CUX1: variants seen among roughly 807,000 people sequenced by gnomAD.
CUX1 encodes protein CASP.
A neutral mutation model predicts 158.8 loss-of-function variants in CUX1; 31 were observed. The observed-to-expected ratio is 0.20, with a 90% CI of 0.15 to 0.26. The LOEUF (loss-of-function observed/expected upper bound fraction) is 0.26. Among genes scored for constraint, CUX1 ranks in the 10% least tolerant of loss-of-function variants. CUX1 has a pLI of 1.00. For synonymous variants in CUX1, 879 were observed against 862.1 expected, an observed-to-expected ratio of 1.02 and a Z score of -0.34; for missense variants, 1,589 against 2,014.6, an observed-to-expected ratio of 0.79 and a Z score of 4.04.
chr7:102,158,005 C>T (rs1403099600), intron 8 of CUX1, among the ~76,000 whole-genome samples: 4 of 152,188 alleles, frequency 2.6e-5, no homozygotes, highest in Non-Finnish European at 5.9e-5. Flanking sequence ...TCACCATCCT[C>T]ACCTGCCCTC....
chr7:102,174,979 G>A (rs1375374749), intron 10 of CUX1, among the ~76,000 whole-genome samples: 2 of 152,168 alleles, frequency 1.3e-5, no homozygotes, highest in Non-Finnish European at 2.9e-5. Flanking sequence ...AACAGATAGA[G>A]GGAGGATGGT....
chr7:101,897,705 C>G (rs1801670469), intron 1 of CUX1, among the ~76,000 whole-genome samples: 1 of 152,130 alleles, frequency 6.6e-6, no homozygotes, highest in Non-Finnish European at 1.5e-5. Flanking sequence ...TATAGCGTGA[C>G]CAGTCTGATA....
intron 4 of CUX1, among the ~76,000 whole-genome samples, chr7:102,073,623 A>G (rs932373433): frequency 3.9e-5 from 6 of 152,186 alleles, no homozygotes; most frequent in African/African-American, 1.4e-4. Flanking sequence ...TTAATTTCCC[A>G]TAGAAAAAAG....
intron 11 of CUX1, 137 bp downstream of exon 11, chr7:102,178,794 A>C: frequency 1.1e-6 from 1 of 905,994 alleles, no homozygotes; most frequent in Non-Finnish European, 1.7e-6. Flanking sequence ...AGTAGCACCA[A>C]GCAGAGTCCC....
chr7:102,216,619 C>CCACA lies in CUX1; in HGVS notation c.3131-10740_3131-10737dup, dbSNP rs138340390. Among the ~76,000 whole-genome samples, 211 of 73,978 alleles carry CCACA rather than the reference C, an allele frequency of 2.9e-3. 3 individuals are homozygous for CCACA. Among genetic ancestry groups the CCACA allele is most frequent in the African/African-American group, 9.3e-3 (174 of 18,672 alleles). 48.5% of individuals were successfully genotyped at this position (73,978 alleles called of 152,430 possible). On this transcript the variant is annotated intron_variant, in intron 20 of 23. Transcript: ENST00000292535. ...ACTCCCACACACACACACACACTCC[C>CCACA]CACACACACACCCCCACACACGCAC...
Position 102,248,507 on chromosome 7 carries a change from G to A in CUX1, c.3983G>A (p.Arg1328Gln), listed in dbSNP as rs1235657318. 7.1e-6 allele frequency: 11 copies of A among 1,556,462 alleles called. No individual in the cohort carries two copies. The highest frequency in any genetic ancestry group is 9.5e-6 in the Non-Finnish European group (11 of 1,154,958). The change falls in exon 24 of 24, where the codon CGG (arginine) becomes CAG (glutamine). Residue 1328 changes from arginine (R) to glutamine (Q), a missense_variant. This residue lies in a region of CUX1 where 344 missense variants were observed against 323.7 expected (regional missense o/e 1.06). Coordinates refer to ENST00000292535, the MANE Select transcript of CUX1 (RefSeq NM_181552.4). This position sits in a 1 kb window ranked among gnomAD's most constrained non-coding sequence, Gnocchi z 5.8. ...GACTCACCCTCGGCCCGCAGCGGCC[G>A]GGCGGCGCCCAGCTCGGAGGGCGAC... ...ASDSPSARSG[R>Q]AAPSSEGDSC...
At chr7:102,027,579 G>A (rs1585327265) in intron 2 of CUX1, among the ~76,000 whole-genome samples, 1 of 152,196 alleles carries the variant, frequency 6.6e-6, no homozygotes, top group East Asian at 1.9e-4. Context: ...CATCGTTGTA[G>A]GCCAGGTGCG....
chr7:101,816,118 C>T (rs781221160), upstream of CUX1: 1 of 1,315,280 alleles, frequency 7.6e-7, no homozygotes, highest in Admixed American at 2.2e-5. Flanking sequence ...CGCTCGGCCT[C>T]GCGCCCGGGG....
At chr7:102,243,198 T>C (rs1277221587) in intron 23 of CUX1, among the ~76,000 whole-genome samples, 2 of 152,044 alleles carry the variant, frequency 1.3e-5, no homozygotes, top group African/African-American at 4.8e-5. Context: ...CGCCTGAACC[T>C]GTGAGGTGGA....
chr7:101,975,860 G>T (rs550423998), intron 2 of CUX1, among the ~76,000 whole-genome samples: 2 of 152,210 alleles, frequency 1.3e-5, no homozygotes, highest in African/African-American at 2.4e-5. Flanking sequence ...ATGAATTAAG[G>T]CCGGGCACAG....
intron 2 of CUX1, among the ~76,000 whole-genome samples, chr7:101,918,497 A>G (rs984594504): frequency 1.3e-5 from 2 of 152,200 alleles, no homozygotes; most frequent in Non-Finnish European, 2.9e-5. Flanking sequence ...ATGGAAGGTC[A>G]CCACCTGCTT....
rs111554491 is a variant in CUX1, at chr7:101,867,174, G to T, written c.31-48941G>T. Among the ~76,000 whole-genome samples the T allele has an allele frequency of 3.9e-5, 6 of 152,002 alleles. 1 individual carries two copies. The highest frequency in any genetic ancestry group is 1.4e-4 in the African/African-American group (6 of 41,410). Reference sequence around the variant, plus strand: ...GGAGGCTGCAGTGAGCTGAGATTGTGCCACTGCACTCCAGCCTGGGAGACA... The same window carrying T: ...GGAGGCTGCAGTGAGCTGAGATTGTTCCACTGCACTCCAGCCTGGGAGACA... On this transcript the variant is annotated intron_variant, in intron 1 of 23. Transcript: ENST00000292535.
intron 2 of CUX1, among the ~76,000 whole-genome samples, chr7:101,975,569 A>C (rs1399082363): frequency 6.6e-6 from 1 of 152,124 alleles, no homozygotes. Context: ...AAGAAAAAAG[A>C]AAATGCCTGT....
chr7:102,003,921 G>C (rs1046884975), intron 2 of CUX1, among the ~76,000 whole-genome samples: 4 of 152,204 alleles, frequency 2.6e-5, no homozygotes, highest in African/African-American at 4.8e-5. Flanking sequence ...TGGGAGGATT[G>C]CTTGAGGCCA....
At chr7:102,170,902 A>C (rs1410799546) in intron 10 of CUX1, among the ~76,000 whole-genome samples, 2 of 144,712 alleles carry the variant, frequency 1.4e-5, no homozygotes, top group Non-Finnish European at 3.0e-5. Flanking sequence ...CCTCTCCAGA[A>C]TGACACGGAG....
chr7:102,266,571 G>C (rs1790828411), intron 14 of CUX1, among the ~76,000 whole-genome samples: 1 of 152,096 alleles, frequency 6.6e-6, no homozygotes, highest in Admixed American at 6.6e-5. Context: ...CGCATGGCCA[G>C]AGCGGATGAG....
At chr7:102,077,277 A>G (rs1826864332) in intron 4 of CUX1, among the ~76,000 whole-genome samples, 1 of 151,894 alleles carries the variant, frequency 6.6e-6, no homozygotes, top group South Asian at 2.1e-4. Flanking sequence ...GGAGACCAGC[A>G]GGTGGGGAGA....
At position 102,234,585 on chromosome 7, in the gene CUX1, G is replaced by A. The variant is rs149163679; in HGVS notation, c.3622+345G>A. On this transcript the variant is annotated intron_variant, in intron 22 of 23. Transcript: ENST00000292535. ...AGCATTTACTGAGCATGTACCAGGTGGCTAGAGGCCTTCCTTTGTTATCAG... is the reference window on the plus strand; with the variant it reads ...AGCATTTACTGAGCATGTACCAGGTAGCTAGAGGCCTTCCTTTGTTATCAG... Among the ~76,000 whole-genome samples the A allele has an allele frequency of 2.0e-3, 301 of 152,174 alleles. 1 individual carries two copies. The highest frequency in any genetic ancestry group is 7.1e-3 in the African/African-American group (294 of 41,526).
Position 102,107,913 on chromosome 7 carries a change from G to A in CUX1, c.530+3454G>A, listed in dbSNP as rs1488850413. Among the ~76,000 whole-genome samples, 6 of 152,346 alleles carry A rather than the reference G, an allele frequency of 3.9e-5. No individual in the cohort carries two copies. The East Asian group carries it at 1.2e-3, about 29-fold the overall frequency. ...GGTGGAGGCCGCATCCATCGTCCCT[G>A]GGGGAGCGCGGCAGGGCACAGACTC... On this transcript the variant is annotated intron_variant, in intron 6 of 23. Transcript: ENST00000292535.
Sources: allele counts gnomAD v4.1 joint callset (sites outside exome capture counted in the v4.1 genomes callset), GRCh38; gene constraint gnomAD v4.1.1; regional missense constraint gnomAD v4.1.1; non-coding constraint Gnocchi (gnomAD v3.1); transcripts MANE v1.5; gene names NCBI Gene and HGNC (gene_info 2026-07-23, HGNC 2026-07-21).